CELSR2: variants seen among roughly 807,000 people sequenced by gnomAD.
The protein encoded by CELSR2 is EGF-like protein 2.
In CELSR2, 81 loss-of-function variants were observed where a neutral mutation model predicts 251.6. That is an observed-to-expected ratio of 0.32 (90% CI 0.27 to 0.39). The LOEUF (loss-of-function observed/expected upper bound fraction) is 0.39. Among genes scored for constraint, CELSR2 ranks in the 10% least tolerant of loss-of-function variants. CELSR2 has a pLI of 1.00. For synonymous variants in CELSR2, 1,721 were observed against 1,670.5 expected (o/e 1.03, Z -0.74); for missense variants, 3,365 against 3,947.7 (o/e 0.85, Z 3.96).
intron 1 of CELSR2, among the ~76,000 whole-genome samples, chr1:109,256,318 C>T (rs1282194955): frequency 2.6e-5 from 4 of 152,018 alleles, no homozygotes; most frequent in African/African-American, 2.4e-5. Context: ...AGCTTTGAGA[C>T]GAGAGCAGGA....
In CELSR2 at chr1:109,261,374, C is replaced by T; in HGVS notation, c.4181+110C>T. 2.2e-6 allele frequency: 3 copies of T among 1,354,340 alleles called. No individual in the cohort carries two copies. Among genetic ancestry groups the T allele is most frequent in the Non-Finnish European group, 2.1e-6 (2 of 958,150 alleles). The allele number at this position is 1,354,340 out of a possible 1,614,324, so 83.9% of individuals were successfully genotyped here. A position where few individuals can be genotyped will look rare whatever the true frequency, so the allele number is the denominator to read the frequency against. On this transcript the variant is annotated intron_variant, in intron 3 of 33. Transcript: ENST00000271332. The surrounding 1 kb of genome is among the most constrained non-coding windows in gnomAD (Gnocchi z 4.8). ...GGCAGTGAAAGCGTGGAGCAGGCTG[C>T]CGGCAGAGCCAGGTCTGCTCTTGGA...
Position 109,264,932 on chromosome 1 carries a change from T to C in CELSR2, c.5529T>C (p.Cys1843=). Residue 1843 remains cysteine (C), a synonymous_variant, in exon 12 of 34, where the codon TGT becomes TGC. Transcript: ENST00000271332. ...DLNPCEHQSV[C]TRKPSAPHGY... is the part of the protein sequence containing the mutation. ...ACCCGTGTGAGCACCAGTCTGTGTG[T>C]ACCCGCAAGCCCAGTGCCCCCCATG... 6.2e-7 allele frequency: 1 copy of C among 1,614,192 alleles called. No homozygotes were observed. Among genetic ancestry groups the C allele is most frequent in the Non-Finnish European group, 8.5e-7 (1 of 1,180,032 alleles).
rs767208201 is a variant in CELSR2, at chr1:109,268,663, C to G, written c.6401C>G (p.Thr2134Ser). The stretch of plus-strand genomic sequence containing the variant: ...CTGATCCAGCAGACAGAGGGTGGCA[C>G]CGCCTGGCTGCTCCAGCACTATGAG... Reference protein sequence around the residue: ...WELIQQTEGGTAWLLQHYEAY... With the variant: ...WELIQQTEGGSAWLLQHYEAY... Residue 2134 changes from threonine (T) to serine (S), a missense_variant, in exon 18 of 34, where the codon ACC becomes AGC. This residue lies in a region of CELSR2 where 2,093 missense variants were observed against 2,382.8 expected (regional missense o/e 0.88). Coordinates refer to ENST00000271332, the MANE Select transcript of CELSR2 (RefSeq NM_001408.3). 1.2e-5 allele frequency: 20 copies of G among 1,613,954 alleles called. No homozygotes were observed. The East Asian group carries it at 4.2e-4, about 34-fold the overall frequency.
chr1:109,274,977 C>T lies in CELSR2; in HGVS notation c.*928C>T, dbSNP rs1656488566. ...CTCGGCTGCCCTGAGGGTGCTCAAT[C>T]AAGCACAGGTTTCAAGTCTGGGTTC... On this transcript the variant is annotated 3_prime_UTR_variant, in exon 34 of 34. Transcript: ENST00000271332. 1.3e-5 allele frequency: 2 copies of T among 152,604 alleles called. No individual in the cohort carries two copies. Among genetic ancestry groups the T allele is most frequent in the African/African-American group, 4.8e-5 (2 of 41,432 alleles). 9.5% of individuals were successfully genotyped at this position (152,604 alleles called of 1,614,324 possible). A position where few individuals can be genotyped will look rare whatever the true frequency, so the allele number is the denominator to read the frequency against.
chr1:109,259,110 CCCTG>C, intron 2 of CELSR2, 31 bp downstream of exon 2: 4 of 1,515,856 alleles, frequency 2.6e-6, no homozygotes, highest in Non-Finnish European at 3.5e-6. Context: ...CATGGGCCAG[CCCTG>C]GAAGGCTGAC....
intron 1 of CELSR2, among the ~76,000 whole-genome samples, chr1:109,257,498 G>A (rs1400150996): frequency 1.3e-5 from 2 of 152,214 alleles, no homozygotes; most frequent in African/African-American, 2.4e-5. Flanking sequence ...GGCTTAGGGT[G>A]TGTGGGTGGA....
chr1:109,272,787 G>A (rs746321425), intron 30 of CELSR2, 46 bp from the exon 31 acceptor site: 1 of 1,612,676 alleles, frequency 6.2e-7, no homozygotes, highest in African/African-American at 1.3e-5. Context: ...TACTGAAGGT[G>A]GGTGGAGGTG....
Position 109,253,401 on chromosome 1 carries a change from C to T in CELSR2, c.3310+12C>T, listed in dbSNP as rs373979948. ...CGTGCTGGTGTCAGGTAAGGAAGGG[C>T]CCAGGTGGCGCTGGGGTGGGGGTAG... On this transcript the variant is annotated intron_variant, in intron 1 of 33. Coordinates refer to ENST00000271332, the MANE Select transcript of CELSR2 (RefSeq NM_001408.3). 3.1e-6 allele frequency: 5 copies of T among 1,607,618 alleles called. No individual in the cohort carries two copies. The highest frequency in any genetic ancestry group is 1.3e-5 in the African/African-American group (1 of 74,858).
Position 109,275,496 on chromosome 1 carries a change from G to A in CELSR2, c.*1447G>A, listed in dbSNP as rs994287733. 6.6e-6 allele frequency: 1 copy of A among 151,806 alleles called. No homozygotes were observed. The highest frequency in any genetic ancestry group is 1.5e-5 in the Non-Finnish European group (1 of 67,998). The allele number at this position is 151,806 out of a possible 1,614,324, so 9.4% of individuals were successfully genotyped here. A position where few individuals can be genotyped will look rare whatever the true frequency, so the allele number is the denominator to read the frequency against. The stretch of plus-strand genomic sequence containing the variant: ...AAAGAAAGGCTCCTGTTTCTCATTT[G>A]TGAGGCCAGCCTCTGGCTTTTCTGC... On this transcript the variant is annotated 3_prime_UTR_variant, in exon 34 of 34. Transcript: ENST00000271332.
At chr1:109,256,180 C>A (rs912248900) in intron 1 of CELSR2, among the ~76,000 whole-genome samples, 10 of 152,108 alleles carry the variant, frequency 6.6e-5, no homozygotes, top group Admixed American at 4.6e-4. Context: ...AAGTCTGAAA[C>A]GGAGAGGAAA....
In CELSR2 at chr1:109,274,187, C is replaced by G. The variant is rs573719984; in HGVS notation, c.*138C>G. ...AGCGACGAAACGTCCATCTGAGGAG[C>G]CTGGGCCTTGCCGGGAGGGGTACTC... On this transcript the variant is annotated 3_prime_UTR_variant, in exon 34 of 34. Coordinates refer to ENST00000271332, the MANE Select transcript of CELSR2 (RefSeq NM_001408.3). The G allele has an allele frequency of 3.5e-5, 55 of 1,582,610 alleles. No homozygotes were observed. The African/African-American group carries it at 6.7e-4, about 19-fold the overall frequency.
chr1:109,262,537 C>T (rs1433974842), intron 6 of CELSR2, 93 bp downstream of exon 6: 1 of 1,512,108 alleles, frequency 6.6e-7, no homozygotes, highest in African/African-American at 1.4e-5. Context: ...GGGTCTCTCT[C>T]CCTTTGCCTC....
At position 109,252,795 on chromosome 1, in the gene CELSR2, G is replaced by A. The variant is rs1343274706; in HGVS notation, c.2716G>A (p.Glu906Lys). Residue 906 changes from glutamate (E) to lysine (K), a missense_variant, in exon 1 of 34, where the codon GAA becomes AAA. Physicochemically the swap from Glu to Lys is moderately conservative, Grantham distance 56. Around this residue, in one of 5 missense-constraint regions of CELSR2, gnomAD observed 505 missense variants for 660.0 expected, o/e 0.77. Transcript: ENST00000271332. This position sits in a 1 kb window ranked among gnomAD's most constrained non-coding sequence, Gnocchi z 4.8. ...GATGCCCCCAGCCCGCACACCTATG[G>A]AAGTGACAGTCACTGTGTTGGATGT... Reference protein sequence around the residue: ...KGMPPARTPMEVTVTVLDVND... With the variant: ...KGMPPARTPMKVTVTVLDVND... The A allele has an allele frequency of 6.2e-7, 1 of 1,614,020 alleles. No homozygotes were observed. The highest frequency in any genetic ancestry group is 8.5e-7 in the Non-Finnish European group (1 of 1,180,040).
chr1:109,253,135 A>G lies in CELSR2; in HGVS notation c.3056A>G (p.Asn1019Ser), dbSNP rs779265670. ...VHVRLLDRND[N>S]PPVLGNFEIL... is the part of the protein sequence containing the mutation. ...GTCCGCCTCCTTGACCGCAATGACA[A>G]CCCACCAGTGCTGGGCAACTTTGAG... is the stretch of plus-strand genomic sequence containing the variant. Residue 1019 changes from asparagine (N) to serine (S), a missense_variant, in exon 1 of 34, where the codon AAC (asparagine) becomes AGC (serine). Physicochemically the swap from Asn to Ser is conservative, Grantham distance 46. Coordinates refer to ENST00000271332, the MANE Select transcript of CELSR2 (RefSeq NM_001408.3). 6.8e-6 allele frequency: 11 copies of G among 1,613,618 alleles called. No individual in the cohort carries two copies. The highest frequency in any genetic ancestry group is 9.3e-6 in the Non-Finnish European group (11 of 1,180,022).
Position 109,269,304 on chromosome 1 carries a change from G to C in CELSR2, c.6812+14G>C. On this transcript the variant is annotated intron_variant, in intron 20 of 33. Transcript: ENST00000271332. This position sits in a 1 kb window ranked among gnomAD's most constrained non-coding sequence, Gnocchi z 6.4. Reference sequence around the variant, plus strand: ...GCGCAGCTTGAGGTCAGCAGCTAGGGGACAGGTGTGGGTAGGGGTATGGGT... The same window carrying C: ...GCGCAGCTTGAGGTCAGCAGCTAGGCGACAGGTGTGGGTAGGGGTATGGGT... 2 of 1,612,852 alleles carry C rather than the reference G, an allele frequency of 1.2e-6. No homozygotes were observed. Among genetic ancestry groups the C allele is most frequent in the Non-Finnish European group, 1.7e-6 (2 of 1,179,866 alleles).
intron 1 of CELSR2, among the ~76,000 whole-genome samples, chr1:109,253,868 G>A (rs1448938772): frequency 2.0e-5 from 3 of 152,246 alleles, no homozygotes; most frequent in East Asian, 1.9e-4. Context: ...CAGGGCTGCC[G>A]CCACCCAGGG....
chr1:109,269,638 C>G lies in CELSR2; in HGVS notation c.6980+47C>G. ...CCCCTCAGGCTTCGGGCTGAAAGTC[C>G]AGGCCCCTGCATGCCTCACCCTCCT... On this transcript the variant is annotated intron_variant, in intron 21 of 33. Transcript: ENST00000271332. This position sits in a 1 kb window ranked among gnomAD's most constrained non-coding sequence, Gnocchi z 6.4. 6.2e-7 allele frequency: 1 copy of G among 1,613,496 alleles called. No homozygotes were observed. The highest frequency in any genetic ancestry group is 8.5e-7 in the Non-Finnish European group (1 of 1,179,520).
intron 6 of CELSR2, 78 bp from the exon 7 acceptor site, chr1:109,262,728 C>T (rs952578382): frequency 6.4e-7 from 1 of 1,571,872 alleles, no homozygotes; most frequent in Non-Finnish European, 8.6e-7. Flanking sequence ...GTTCGTGTCT[C>T]TGGCCTGGCG....
Position 109,262,419 on chromosome 1 carries a change from C to A in CELSR2, c.4519C>A (p.Gln1507Lys). 3.1e-6 allele frequency: 5 copies of A among 1,614,016 alleles called. No individual in the cohort carries two copies. Among genetic ancestry groups the A allele is most frequent in the Non-Finnish European group, 4.2e-6 (5 of 1,180,030 alleles). Residue 1507 changes from glutamine (Q) to lysine (K), a missense_variant, in exon 6 of 34, where the codon CAG becomes AAG. Physicochemically the swap from Gln to Lys is moderately conservative, Grantham distance 53. Coordinates refer to ENST00000271332, the MANE Select transcript of CELSR2 (RefSeq NM_001408.3). Reference protein sequence around the residue: ...SVLGNYSCAAQGTQGGSKKSL... With the variant: ...SVLGNYSCAAKGTQGGSKKSL... ...CCTGGGCAACTACTCCTGTGCTGCCCAGGGCACCCAGGGTGGCAGCAAGAA... is the reference window on the plus strand; with the variant it reads ...CCTGGGCAACTACTCCTGTGCTGCCAAGGGCACCCAGGGTGGCAGCAAGAA...
Sources: allele counts gnomAD v4.1 joint callset (sites outside exome capture counted in the v4.1 genomes callset), GRCh38; gene constraint gnomAD v4.1.1; regional missense constraint gnomAD v4.1.1; non-coding constraint Gnocchi (gnomAD v3.1); transcripts MANE v1.5; gene names NCBI Gene and HGNC (gene_info 2026-07-23, HGNC 2026-07-21).